RORA: variants seen among roughly 807,000 people sequenced by gnomAD.
RORA encodes the protein RAR related orphan receptor A, also known as nuclear receptor ROR-alpha.
Under a neutral mutation model 69.5 loss-of-function variants are expected in RORA, and 7 were observed. The observed-to-expected ratio is 0.10, with a 90% CI of 0.06 to 0.19. The LOEUF (loss-of-function observed/expected upper bound fraction) is 0.19, where lower values mean the gene tolerates loss of function less well. Ranked by LOEUF, RORA falls within the 10% of genes least tolerant of loss-of-function variation. RORA has a pLI of 1.00. For synonymous variants in RORA, 261 were observed against 240.8 expected, an observed-to-expected ratio of 1.08 and a Z score of -0.78; for missense variants, 457 against 663.0, an observed-to-expected ratio of 0.69 and a Z score of 3.41.
chr15:60,491,997 T>C lies in RORA; in HGVS notation c.*5458A>G, dbSNP rs775045375. ...TTCTATATCATAACTTTATAAGAAG[T>C]GGCAATCACATGTTATGTAAAAATG... On this transcript the variant is annotated 3_prime_UTR_variant, in exon 11 of 11. Coordinates refer to ENST00000335670, the MANE Select transcript of RORA (RefSeq NM_134261.3). The C allele has an allele frequency of 2.5e-5, 3 of 120,454 alleles. No homozygotes were observed. Among genetic ancestry groups the C allele is most frequent in the Non-Finnish European group, 5.2e-5 (3 of 57,420 alleles). The allele number at this position is 120,454 out of a possible 1,614,324, so 7.5% of individuals were successfully genotyped here. A position where few individuals can be genotyped will look rare whatever the true frequency, so the allele number is the denominator to read the frequency against.
intron 2 of RORA, among the ~76,000 whole-genome samples, chr15:60,629,205 T>TTTTTTTTA (rs2069673355): frequency 6.7e-6 from 1 of 148,328 alleles, no homozygotes; most frequent in Non-Finnish European, 1.5e-5. Flanking sequence ...TTTTTTTTTT[T>TTTTTTTTA]GAAACAGAGT....
At chr15:60,887,125 T>A (rs972718605) in intron 1 of RORA, among the ~76,000 whole-genome samples, 2 of 147,922 alleles carry the variant, frequency 1.4e-5, no homozygotes, top group Non-Finnish European at 3.0e-5. Context: ...AGCAAGATAC[T>A]TCCCTTTGCC....
chr15:61,170,175 A>C (rs2079573158), intron 1 of RORA, among the ~76,000 whole-genome samples: 1 of 152,198 alleles, frequency 6.6e-6, no homozygotes. Context: ...CCATAAATGC[A>C]GTGGCTTAAA....
At position 61,127,815 on chromosome 15, in the gene RORA, G is replaced by A. The variant is rs544949016; in HGVS notation, c.166+101238C>T. Among the ~76,000 whole-genome samples, 6 of 152,160 alleles carry A rather than the reference G, an allele frequency of 3.9e-5. No individual in the cohort carries two copies. The Middle Eastern group carries it at 0.01, about 259-fold the overall frequency. ...TCACCCAGCACAACTCCATTCACCC[G>A]TCCAGTTCTCCGGTGAGGGTGCAGT... On this transcript the variant is annotated intron_variant, in intron 1 of 10. Transcript: ENST00000335670.
chr15:60,965,399 A>G (rs992631368), intron 1 of RORA, among the ~76,000 whole-genome samples: 4 of 152,218 alleles, frequency 2.6e-5, no homozygotes, highest in African/African-American at 9.6e-5. Context: ...CCCAAGGCCC[A>G]GTAGTCAGGG....
chr15:61,056,464 G>T (rs956754766), intron 1 of RORA, among the ~76,000 whole-genome samples: 13 of 152,172 alleles, frequency 8.5e-5, no homozygotes, highest in African/African-American at 3.1e-4. Flanking sequence ...AGAAACTGAA[G>T]AAGTCAAAAC....
intron 1 of RORA, among the ~76,000 whole-genome samples, chr15:60,740,335 G>A (rs751558038): frequency 1.3e-5 from 2 of 152,122 alleles, no homozygotes; most frequent in African/African-American, 4.8e-5. Flanking sequence ...CCCATCAAGC[G>A]AGAACTGAAA....
At chr15:61,189,092 G>C (rs1273794708) in intron 1 of RORA, among the ~76,000 whole-genome samples, 1 of 152,282 alleles carries the variant, frequency 6.6e-6, no homozygotes, top group African/African-American at 2.4e-5. Flanking sequence ...AGGAGCCCCT[G>C]CTTCTCTTGC....
intron 1 of RORA, among the ~76,000 whole-genome samples, chr15:60,864,680 T>C (rs76648416): frequency 0.024 from 3,600 of 152,274 alleles, 136 homozygotes; most frequent in African/African-American, 0.083. Flanking sequence ...TATATCACTG[T>C]ACATTCTGAC....
At chr15:60,590,526 A>T (rs1432926374) in intron 2 of RORA, among the ~76,000 whole-genome samples, 1 of 152,216 alleles carries the variant, frequency 6.6e-6, no homozygotes, top group Non-Finnish European at 1.5e-5. Flanking sequence ...CCTTTCCTCC[A>T]ATCAACACAA....
intron 1 of RORA, among the ~76,000 whole-genome samples, chr15:61,220,435 A>C (rs1356369722): frequency 5.3e-5 from 8 of 152,210 alleles, no homozygotes; most frequent in Admixed American, 5.2e-4. Context: ...AGACTTGCTA[A>C]ATATACATGT....
intron 1 of RORA, among the ~76,000 whole-genome samples, chr15:61,222,446 G>C (rs1321107030): frequency 1.3e-5 from 2 of 152,198 alleles, no homozygotes; most frequent in Non-Finnish European, 2.9e-5. Context: ...AAGAGCTGGC[G>C]CAAAAAGCCG....
At chr15:60,619,881 G>A (rs2069357058) in intron 2 of RORA, among the ~76,000 whole-genome samples, 1 of 152,220 alleles carries the variant, frequency 6.6e-6, no homozygotes. Flanking sequence ...GCCTGCTTTT[G>A]CAGGCCTCAA....
At chr15:61,196,633 T>C (rs1205737699) in intron 1 of RORA, among the ~76,000 whole-genome samples, 1 of 152,254 alleles carries the variant, frequency 6.6e-6, no homozygotes, top group Non-Finnish European at 1.5e-5. Flanking sequence ...CATAATATTA[T>C]GAAATATGTC....
chr15:61,029,163 A>G (rs1255311240), intron 1 of RORA, among the ~76,000 whole-genome samples: 1 of 152,130 alleles, frequency 6.6e-6, no homozygotes, highest in Non-Finnish European at 1.5e-5. Context: ...AAAAACATCT[A>G]AACACCAACC....
intron 1 of RORA, among the ~76,000 whole-genome samples, chr15:60,906,277 T>C (rs1891538450): frequency 6.6e-6 from 1 of 152,234 alleles, no homozygotes; most frequent in African/African-American, 2.4e-5. Flanking sequence ...GCACCACAGC[T>C]ACTCATAGAC....
intron 1 of RORA, among the ~76,000 whole-genome samples, chr15:61,100,500 A>G (rs772099703): frequency 6.6e-6 from 1 of 152,196 alleles, no homozygotes; most frequent in African/African-American, 2.4e-5. Flanking sequence ...ACATGGAAGA[A>G]GCAGAACAGT....
intron 1 of RORA, among the ~76,000 whole-genome samples, chr15:61,209,167 G>A (rs1596073678): frequency 6.6e-6 from 1 of 151,944 alleles, no homozygotes; most frequent in African/African-American, 2.4e-5. Flanking sequence ...TCGCCACAGG[G>A]GCTTGTCTTT....
intron 1 of RORA, among the ~76,000 whole-genome samples, chr15:60,810,142 T>C (rs962976105): frequency 1.3e-5 from 2 of 152,192 alleles, no homozygotes; most frequent in Non-Finnish European, 2.9e-5. Context: ...AGTAGTCTCC[T>C]GAAAGAGTGT....
Sources: allele counts gnomAD v4.1 joint callset (sites outside exome capture counted in the v4.1 genomes callset), GRCh38; gene constraint gnomAD v4.1.1; transcripts MANE v1.5; gene names NCBI Gene and HGNC (gene_info 2026-07-23, HGNC 2026-07-21).